PHACTR2: variants seen among roughly 807,000 people sequenced by gnomAD.
PHACTR2 encodes the protein chromosome 6 open reading frame 56.
PHACTR2 carries 30 observed loss-of-function variants against 76.0 expected under a neutral mutation model. That is an observed-to-expected ratio of 0.39 (90% confidence interval 0.30 to 0.54). The LOEUF (loss-of-function observed/expected upper bound fraction) is 0.54. PHACTR2 is among the 20% of genes least tolerant of loss of function. PHACTR2 has a pLI of 0.61. For missense variants in PHACTR2, 696 were observed against 781.1 expected (o/e 0.89, Z 1.30); for synonymous variants, 292 against 292.5 (o/e 1.00, Z 0.02).
chr6:143,814,595 C>CTTTTTTTTTTT (rs61652528), intron 12 of PHACTR2, among the ~76,000 whole-genome samples: 6 of 108,418 alleles, frequency 5.5e-5, no homozygotes, highest in African/African-American at 2.2e-4. Context: ...GACATACACA[C>CTTTTTTTTTTT]TTTTTTTTTT....
Position 143,621,677 on chromosome 6 carries a change from G to A in PHACTR2, c.13+13355G>A, listed in dbSNP as rs1776157198. The stretch of plus-strand genomic sequence containing the variant: ...GTTCTACCTGCTGGTATGGGGCCTT[G>A]GGCATATCCATGAGCCTCACTTTCC... On this transcript the variant is annotated intron_variant, in intron 1 of 11. Coordinates refer to the PHACTR2 transcript ENST00000305766. The surrounding 1 kb of genome is among the most constrained non-coding windows in gnomAD (Gnocchi z 4.1). 6.6e-6 allele frequency among the ~76,000 whole-genome samples: 1 copy of A among 152,192 alleles called. No individual in the cohort carries two copies. The highest frequency in any genetic ancestry group is 6.5e-5 in the Admixed American group (1 of 15,284).
chr6:143,649,689 A>G (rs1453977443), intron 1 of PHACTR2, among the ~76,000 whole-genome samples: 2 of 152,228 alleles, frequency 1.3e-5, no homozygotes, highest in Admixed American at 1.3e-4. Context: ...TTGAAGGAAC[A>G]TAACTCAAAA....
chr6:143,734,357 T>G (rs1200630691), intron 2 of PHACTR2, among the ~76,000 whole-genome samples: 1 of 152,200 alleles, frequency 6.6e-6, no homozygotes, highest in Non-Finnish European at 1.5e-5. Flanking sequence ...CCTTGCTTCC[T>G]GTACATTCTG....
At chr6:143,574,847 T>A (rs1582680167) in intron 1 of PHACTR2, among the ~76,000 whole-genome samples, 1 of 152,098 alleles carries the variant, frequency 6.6e-6, no homozygotes, top group Non-Finnish European at 1.5e-5. Flanking sequence ...CCCAATTTTT[T>A]AAAAACTAAA....
rs1775296852 is a variant in PHACTR2, at chr6:143,777,055, C to G, written c.1590-273C>G. On this transcript the variant is annotated intron_variant, in intron 8 of 12. Transcript: ENST00000440869. This position sits in a 1 kb window ranked among gnomAD's most constrained non-coding sequence, Gnocchi z 4.6. ...TCAGTCACAGCACGATACCTGGCTT[C>G]TAGGGAGGCAGAAGTCTGTAGTCAG... Among the ~76,000 whole-genome samples, 1 of 151,772 alleles carries G rather than the reference C, an allele frequency of 6.6e-6. No homozygotes were observed. The highest frequency in any genetic ancestry group is 1.5e-5 in the Non-Finnish European group (1 of 67,914).
At position 143,765,589 on chromosome 6, in the gene PHACTR2, T is replaced by A. The variant is rs1298866428; in HGVS notation, c.1023T>A (p.Ala341=). The change falls in exon 6 of 13, where the codon GCT becomes GCA. Residue 341 remains alanine, a synonymous_variant. Transcript: ENST00000440869. The surrounding 1 kb of genome is among the most constrained non-coding windows in gnomAD (Gnocchi z 4.1). ...FKSMVPPPPV[A]PAPSPLAPPL... ...CCATGGTCCCTCCACCCCCTGTGGCTCCAGCACCTTCTCCTCTGGCCCCCC... is the reference window on the plus strand; with the variant it reads ...CCATGGTCCCTCCACCCCCTGTGGCACCAGCACCTTCTCCTCTGGCCCCCC... The A allele has an allele frequency of 5.6e-6, 9 of 1,613,942 alleles. No individual in the cohort carries two copies. The highest frequency in any genetic ancestry group is 7.6e-6 in the Non-Finnish European group (9 of 1,179,942).
chr6:143,735,727 G>A (rs552295231), intron 2 of PHACTR2, among the ~76,000 whole-genome samples: 13 of 152,118 alleles, frequency 8.5e-5, no homozygotes, highest in Non-Finnish European at 1.3e-4. Flanking sequence ...CTGGCATTCC[G>A]TCATCTTTTC....
Position 143,537,024 on chromosome 6 carries a change from C to G in PHACTR2, c.34C>G (p.Pro12Ala). The change falls in exon 1 of 12, where the codon CCG becomes GCG. Residue 12 changes from proline (P) to alanine (A), a missense_variant. Physicochemically the swap from Pro to Ala is conservative, Grantham distance 27. Coordinates refer to the PHACTR2 transcript ENST00000367584. The surrounding 1 kb of genome is among the most constrained non-coding windows in gnomAD (Gnocchi z 4.4). ...GGCGGGCTGGCGCCCCGCGGCGTCC[C>G]CGGTCGATCCGGCCGGGCAGGCGGC... 1 of 170,874 alleles carries G rather than the reference C, an allele frequency of 5.9e-6. No individual in the cohort carries two copies. The highest frequency in any genetic ancestry group is 1.2e-5 in the Non-Finnish European group (1 of 81,988). The allele number at this position is 170,874 out of a possible 1,614,324, so 10.6% of individuals were successfully genotyped here. A position where few individuals can be genotyped will look rare whatever the true frequency, so the allele number is the denominator to read the frequency against.
chr6:143,807,693 A>G lies in PHACTR2; in HGVS notation c.1922+560A>G, dbSNP rs958874898. 5.9e-5 allele frequency among the ~76,000 whole-genome samples: 9 copies of G among 152,236 alleles called. No individual in the cohort carries two copies. The highest frequency in any genetic ancestry group is 1.3e-4 in the Non-Finnish European group (9 of 68,030). On this transcript the variant is annotated intron_variant, in intron 12 of 12. Coordinates refer to ENST00000440869, the MANE Select transcript of PHACTR2 (RefSeq NM_001100164.2). The surrounding 1 kb of genome is among the most constrained non-coding windows in gnomAD (Gnocchi z 5.5). ...AACACAGGATTGAAGCTGACTTTTC[A>G]GAAGATGTAACTTTAGGATGGGAAT...
At position 143,713,868 on chromosome 6, in the gene PHACTR2, C is replaced by T. The variant is rs17072966; in HGVS notation, c.214+1685C>T. ...TGGGAGAATCTGGCTCTTCACGTTA[C>T]CAAGACTACCCAAGATGGGAGCAGG... On this transcript the variant is annotated intron_variant, in intron 2 of 12. Transcript: ENST00000440869. 5.4e-3 allele frequency among the ~76,000 whole-genome samples: 815 copies of T among 152,254 alleles called. 7 individuals are homozygous for T. Among genetic ancestry groups the T allele is most frequent in the African/African-American group, 0.017 (717 of 41,550 alleles).
At chr6:143,634,399 A>C (rs1201039595) in intron 1 of PHACTR2, among the ~76,000 whole-genome samples, 1 of 152,256 alleles carries the variant, frequency 6.6e-6, no homozygotes, top group Admixed American at 6.5e-5. Flanking sequence ...GTTTTGCTAA[A>C]AATGAAACTT....
rs59963214 is a variant in PHACTR2 at position 143,725,198 on chromosome 6, C to CTTT, written c.214+13040_214+13042dup. Among the ~76,000 whole-genome samples the CTTT allele has an allele frequency of 4.4e-4, 27 of 61,802 alleles. 3 individuals carry two copies. Among genetic ancestry groups the CTTT allele is most frequent in the East Asian group, 1.2e-3 (2 of 1,636 alleles). The allele number at this position is 61,802 out of a possible 152,430, so 40.5% of individuals were successfully genotyped here. A position where few individuals can be genotyped will look rare whatever the true frequency, so the allele number is the denominator to read the frequency against. On this transcript the variant is annotated intron_variant, in intron 2 of 12. Transcript: ENST00000440869. ...ACTCCCCAAATCTCCTTTGTGCTGT[C>CTTT]TTTTTTTTTTTTTTTTTTTTTTTTT... is the stretch of plus-strand genomic sequence containing the variant.
At position 143,696,370 on chromosome 6, in the gene PHACTR2, T is replaced by C. The variant is rs2128457308; in HGVS notation, c.47-15646T>C. On this transcript the variant is annotated intron_variant, in intron 1 of 12. Coordinates refer to ENST00000440869, the MANE Select transcript of PHACTR2 (RefSeq NM_001100164.2). This position sits in a 1 kb window ranked among gnomAD's most constrained non-coding sequence, Gnocchi z 4.1. ...AGACCTCTAGAAGACCAGGAAAATA[T>C]TTTTCCAAGAAATTTTGCTGCCCCA... is the stretch of plus-strand genomic sequence containing the variant. Among the ~76,000 whole-genome samples the C allele has an allele frequency of 6.6e-6, 1 of 152,234 alleles. No individual in the cohort carries two copies. Among genetic ancestry groups the C allele is most frequent in the South Asian group, 2.1e-4 (1 of 4,828 alleles).
Position 143,599,648 on chromosome 6 carries a change from C to T in PHACTR2, c.217+62441C>T, listed in dbSNP as rs781194733. ...TGTTTGATGAATCCCAAACAGCCTA[C>T]GGAGGAAATTTTTTGAGTTGCAAAG... On this transcript the variant is annotated intron_variant, in intron 1 of 11. Coordinates refer to the PHACTR2 transcript ENST00000367584. This position sits in a 1 kb window ranked among gnomAD's most constrained non-coding sequence, Gnocchi z 4.6. 1.3e-5 allele frequency among the ~76,000 whole-genome samples: 2 copies of T among 152,126 alleles called. No homozygotes were observed. The highest frequency in any genetic ancestry group is 2.4e-5 in the African/African-American group (1 of 41,412).
rs1248461153 is a variant in PHACTR2, at chr6:143,754,363, T to C, written c.454+451T>C. ...AGCACTGTCTCCAGCAGTGGGAACT[T>C]GGCAGGTGGCATCCACATATCCAGC... On this transcript the variant is annotated intron_variant, in intron 4 of 12. Coordinates refer to ENST00000440869, the MANE Select transcript of PHACTR2 (RefSeq NM_001100164.2). This position sits in a 1 kb window ranked among gnomAD's most constrained non-coding sequence, Gnocchi z 6.2. Among the ~76,000 whole-genome samples the C allele has an allele frequency of 6.6e-6, 1 of 152,204 alleles. No individual in the cohort carries two copies. Among genetic ancestry groups the C allele is most frequent in the Non-Finnish European group, 1.5e-5 (1 of 68,036 alleles).
In PHACTR2 at chr6:143,616,669, C is replaced by T. The variant is rs1776063129; in HGVS notation, c.13+8347C>T. Among the ~76,000 whole-genome samples the T allele has an allele frequency of 6.6e-6, 1 of 152,082 alleles. No homozygotes were observed. Among genetic ancestry groups the T allele is most frequent in the South Asian group, 2.1e-4 (1 of 4,822 alleles). ...TGCTCCTTCCTTCTAGTAGAGAAAGCAAAATTAGTAATGAATAGACAAAAT... is the reference window on the plus strand; with the variant it reads ...TGCTCCTTCCTTCTAGTAGAGAAAGTAAAATTAGTAATGAATAGACAAAAT... On this transcript the variant is annotated intron_variant, in intron 1 of 11. Transcript: ENST00000305766. This position sits in a 1 kb window ranked among gnomAD's most constrained non-coding sequence, Gnocchi z 4.9.
In PHACTR2 at chr6:143,829,736, C is replaced by G. The variant is rs1776621495; in HGVS notation, c.*6047C>G. The stretch of plus-strand genomic sequence containing the variant: ...GCTAGCAAAATGGAATTAACTTAGC[C>G]ACTATAATTTTTTAAAACATTAAAG... On this transcript the variant is annotated 3_prime_UTR_variant, in exon 13 of 13. Coordinates refer to ENST00000440869, the MANE Select transcript of PHACTR2 (RefSeq NM_001100164.2). 6.6e-6 allele frequency: 1 copy of G among 152,190 alleles called. No homozygotes were observed. Among genetic ancestry groups the G allele is most frequent in the Admixed American group, 6.5e-5 (1 of 15,288 alleles). The allele number at this position is 152,190 out of a possible 1,614,324, so 9.4% of individuals were successfully genotyped here.
At chr6:143,544,379 G>C (rs1457006334) in intron 1 of PHACTR2, among the ~76,000 whole-genome samples, 4 of 152,110 alleles carry the variant, frequency 2.6e-5, no homozygotes, top group Non-Finnish European at 5.9e-5. Context: ...CGATAGGTGA[G>C]AAAAGGTATC....
rs1157680531 is a variant in PHACTR2, at chr6:143,554,476, C to G, written c.217+17269C>G. On this transcript the variant is annotated intron_variant, in intron 1 of 11. Coordinates refer to the PHACTR2 transcript ENST00000367584. This position sits in a 1 kb window ranked among gnomAD's most constrained non-coding sequence, Gnocchi z 5.9. ...TATAGCCAAGGAGCAGTGTATCTTG[C>G]TCCTTGGCTATAAATTACAAGTGGG... The G allele has an allele frequency of 1.3e-5, 2 of 152,060 alleles. No homozygotes were observed. The highest frequency in any genetic ancestry group is 2.9e-5 in the Non-Finnish European group (2 of 68,022). The allele number at this position is 152,060 out of a possible 1,614,324, so 9.4% of individuals were successfully genotyped here. A position where few individuals can be genotyped will look rare whatever the true frequency, so the allele number is the denominator to read the frequency against.
Sources: gnomAD v4.1 joint callset for allele counts (sites outside exome capture counted in the v4.1 genomes callset) on GRCh38, gnomAD v4.1.1 for gene constraint, Gnocchi (gnomAD v3.1) non-coding constraint, MANE v1.5 for transcripts, NCBI Gene and HGNC (gene_info 2026-07-23, HGNC 2026-07-21) for gene names.